Variants in DMD observed in about 807,000 individuals in gnomAD.
The protein encoded by DMD is dystrophin.
A neutral mutation model predicts 330.1 loss-of-function variants in DMD; 63 were observed. The ratio of observed to expected loss-of-function variants is 0.19; its 90% confidence interval spans 0.16 to 0.24. The LOEUF (loss-of-function observed/expected upper bound fraction) is 0.24. DMD is among the 10% of genes least tolerant of loss of function. The probability of loss-of-function intolerance (pLI) is 1.00; values close to 1 mark genes in which losing one functional copy is unlikely to be tolerated. For synonymous variants in DMD, 1,223 were observed against 959.8 expected (o/e 1.27, Z -5.07); for missense variants, 3,344 against 2,684.1 (o/e 1.25, Z -5.43).
At chrX:32,274,257 G>A (rs989160638) in intron 43 of DMD, among the ~76,000 whole-genome samples, 4 of 111,765 alleles carry the variant, frequency 3.6e-5, no homozygotes, top group African/African-American at 6.5e-5. Context: ...ATCATCTATG[G>A]TGAGGATGAA....
At chrX:32,711,104 T>C (rs958294674) in intron 7 of DMD, among the ~76,000 whole-genome samples, 1 of 112,004 alleles carries the variant, frequency 8.9e-6, no homozygotes, top group African/African-American at 3.2e-5. Context: ...CTTACTGCTA[T>C]TTTAATTACT....
chrX:31,229,638 G>A, intron 63 of DMD, among the ~76,000 whole-genome samples: 1 of 111,654 alleles, frequency 9.0e-6, no homozygotes, highest in Non-Finnish European at 1.9e-5. Context: ...GAGCACATAT[G>A]CTTTTGGGGG....
chrX:33,224,786 A>G (rs781487891), intron 1 of DMD, among the ~76,000 whole-genome samples: 3 of 111,500 alleles, frequency 2.7e-5, no homozygotes, highest in Admixed American at 1.9e-4. Context: ...GGTGAGAGTT[A>G]TTAATAATGA....
At chrX:33,274,165 A>G (rs1410402792) in intron 1 of DMD, among the ~76,000 whole-genome samples, 1 of 112,231 alleles carries the variant, frequency 8.9e-6, no homozygotes. Flanking sequence ...CAGGATTTAT[A>G]TAATTAGCTC....
rs3992942 is a variant in DMD, at chrX:31,138,670, A to AGG, written c.10922-4477_10922-4476insCC. Among the ~76,000 whole-genome samples, 16 of 35,997 alleles carry AGG rather than the reference A, an allele frequency of 4.4e-4. No individual in the cohort carries two copies. The East Asian group carries it at 7.9e-3, about 18-fold the overall frequency. 31.3% of individuals were successfully genotyped at this position (35,997 alleles called of 115,157 possible). On this transcript the variant is annotated intron_variant, in intron 76 of 78. Coordinates refer to ENST00000357033, the MANE Select transcript of DMD (RefSeq NM_004006.3). Reference sequence around the variant, plus strand: ...GAGAGAGAGAGAGAGAGAGAGAGAGAGAGAGAGAGAGAGAGAGAAGGGGGA... The same window carrying AGG: ...GAGAGAGAGAGAGAGAGAGAGAGAGAGGGAGAGAGAGAGAGAGAGAAGGGGGA...
intron 3 of DMD, 69 bp from the exon 4 acceptor site, chrX:32,844,929 T>G (rs2080523934): frequency 1.1e-6 from 1 of 892,678 alleles, no homozygotes; most frequent in African/African-American, 2.0e-5. Flanking sequence ...AATGAAACCA[T>G]TTATAATTTC....
chrX:31,932,336 A>G, intron 45 of DMD, 109 bp from the exon 46 acceptor site: 1 of 584,170 alleles, frequency 1.7e-6, no homozygotes, highest in Non-Finnish European at 2.7e-6. Context: ...AAGCAATTTA[A>G]AAGATGTTAA....
chrX:32,392,813 C>G (rs2098013555), intron 30 of DMD, among the ~76,000 whole-genome samples: 1 of 112,597 alleles, frequency 8.9e-6, no homozygotes, highest in African/African-American at 3.2e-5. Context: ...ATCCATCCAA[C>G]ATATTATGCT....
chrX:32,758,135 C>A (rs1446613143), intron 7 of DMD, among the ~76,000 whole-genome samples: 1 of 111,895 alleles, frequency 8.9e-6, no homozygotes, highest in East Asian at 2.8e-4. Flanking sequence ...TTTCCAGGTC[C>A]CACATGTTCC....
intron 44 of DMD, among the ~76,000 whole-genome samples, chrX:32,196,623 G>C (rs1389597099): frequency 9.0e-6 from 1 of 110,810 alleles, no homozygotes; most frequent in Non-Finnish European, 1.9e-5. Flanking sequence ...TCAATCTATT[G>C]ATCATGTTGA....
At chrX:31,295,374 A>G (rs1050273101) in intron 62 of DMD, among the ~76,000 whole-genome samples, 1 of 110,314 alleles carries the variant, frequency 9.1e-6, no homozygotes, top group Non-Finnish European at 1.9e-5. Flanking sequence ...GACATTTAGT[A>G]TACATACCAT....
intron 60 of DMD, among the ~76,000 whole-genome samples, chrX:31,431,623 C>T (rs1010981424): frequency 1.8e-5 from 2 of 109,598 alleles, no homozygotes; most frequent in Non-Finnish European, 3.8e-5. Flanking sequence ...TCTCGAACTC[C>T]GGACCTCAGG....
chrX:31,494,814 G>A (rs2069672006), intron 57 of DMD, among the ~76,000 whole-genome samples: 1 of 112,078 alleles, frequency 8.9e-6, no homozygotes, highest in African/African-American at 3.2e-5. Flanking sequence ...TCCATCTTAT[G>A]AAGAAATATG....
intron 60 of DMD, among the ~76,000 whole-genome samples, chrX:31,425,147 T>C (rs1373308196): frequency 8.9e-6 from 1 of 112,164 alleles, no homozygotes; most frequent in Non-Finnish European, 1.9e-5. Flanking sequence ...TTTGCTGTTA[T>C]ACAGGTTCCA....
intron 44 of DMD, among the ~76,000 whole-genome samples, chrX:32,207,957 T>A (rs2097077692): frequency 8.9e-6 from 1 of 111,804 alleles, no homozygotes; most frequent in Non-Finnish European, 1.9e-5. Flanking sequence ...TATTTAAGAT[T>A]AGCAGTAAAA....
intron 1 of DMD, among the ~76,000 whole-genome samples, chrX:33,051,945 G>A (rs775000177): frequency 4.5e-5 from 5 of 110,932 alleles, no homozygotes; most frequent in South Asian, 3.8e-4. Context: ...CACCGCGCCC[G>A]ACCTAAATAT....
intron 7 of DMD, among the ~76,000 whole-genome samples, chrX:32,755,204 C>T (rs2071346003): frequency 9.1e-6 from 1 of 109,800 alleles, no homozygotes; most frequent in Admixed American, 1.0e-4. Context: ...AATGAAAGCT[C>T]AACTTTTTTT....
intron 32 of DMD, among the ~76,000 whole-genome samples, chrX:32,387,225 A>G (rs1359910141): frequency 9.0e-6 from 1 of 111,113 alleles, no homozygotes; most frequent in Non-Finnish European, 1.9e-5. Context: ...ACTTTGGAAG[A>G]CAGCTATGTT....
At chrX:32,582,787 C>G (rs949993008) in intron 13 of DMD, among the ~76,000 whole-genome samples, 2 of 111,896 alleles carry the variant, frequency 1.8e-5, no homozygotes, top group Non-Finnish European at 3.8e-5. Context: ...CCTCTCTTTT[C>G]TTAGAGCGCT....
Sources: allele counts gnomAD v4.1 joint callset (sites outside exome capture counted in the v4.1 genomes callset), GRCh38; gene constraint gnomAD v4.1.1; transcripts MANE v1.5; gene names NCBI Gene and HGNC (gene_info 2026-07-23, HGNC 2026-07-21).